Variants in CALN1 observed in about 807,000 individuals in gnomAD.
The protein encoded by CALN1 is calneuron 1, also known as calcium-binding protein 8.
In CALN1, 17 loss-of-function variants were observed where a neutral mutation model predicts 30.6. The observed-to-expected ratio is 0.56, with a 90% CI of 0.38 to 0.83. The LOEUF is 0.83. Among genes scored for constraint, CALN1 ranks in the 40% least tolerant of loss-of-function variants. The probability of loss-of-function intolerance (pLI) is 0.00; values close to 1 mark genes in which losing one functional copy is unlikely to be tolerated. For synonymous variants in CALN1, 156 were observed against 131.4 expected (o/e 1.19, Z -1.28); for missense variants, 291 against 354.9 (o/e 0.82, Z 1.45).
At chr7:72,101,296 T>C (rs1483280973) in intron 4 of CALN1, among the ~76,000 whole-genome samples, 2 of 152,192 alleles carry the variant, frequency 1.3e-5, no homozygotes, top group Non-Finnish European at 2.9e-5. Context: ...AAAGCCTTCT[T>C]AGTTCCAGAA....
intron 5 of CALN1, among the ~76,000 whole-genome samples, chr7:71,860,921 C>A (rs1452124154): frequency 6.6e-6 from 1 of 152,092 alleles, no homozygotes; most frequent in Non-Finnish European, 1.5e-5. Context: ...GATGATCCCA[C>A]GGAGAACTCT....
At chr7:71,994,261 C>T (rs1266166023) in intron 5 of CALN1, among the ~76,000 whole-genome samples, 1 of 152,076 alleles carries the variant, frequency 6.6e-6, no homozygotes, top group African/African-American at 2.4e-5. Context: ...CCTATAATCC[C>T]AGCACTTTGG....
chr7:72,322,924 T>A (rs1266013616), intron 2 of CALN1, among the ~76,000 whole-genome samples: 1 of 150,278 alleles, frequency 6.7e-6, no homozygotes, highest in East Asian at 2.0e-4. Context: ...ACCCTATAAA[T>A]ATGTACCCAC....
At chr7:72,499,842 T>TTTCC in the CALN1 span, among the ~76,000 whole-genome samples, 2 of 35,412 alleles carry the variant, frequency 5.6e-5, no homozygotes, top group Non-Finnish European at 1.0e-4. Flanking sequence ...TCTTTCTTTC[T>TTTCC]TTCTTTCTTT....
intron 5 of CALN1, among the ~76,000 whole-genome samples, chr7:71,998,498 G>C (rs1366342986): frequency 1.3e-5 from 2 of 152,056 alleles, no homozygotes; most frequent in Admixed American, 6.6e-5. Flanking sequence ...TGTTCCACTT[G>C]AAGAGGCAAA....
rs1312104119 is a variant in CALN1, at chr7:71,782,019, A to T, written c.*5756T>A. Reference sequence around the variant, plus strand: ...GAAGAGTCCCAAATGAATATGAAGGAGAAACCACAGCTGTCAAAATGACCA... The same window carrying T: ...GAAGAGTCCCAAATGAATATGAAGGTGAAACCACAGCTGTCAAAATGACCA... On this transcript the variant is annotated 3_prime_UTR_variant, in exon 7 of 7. Transcript: ENST00000395275. The T allele has an allele frequency of 1.3e-5, 2 of 152,370 alleles. No homozygotes were observed. The highest frequency in any genetic ancestry group is 1.3e-4 in the Admixed American group (2 of 15,298). The allele number at this position is 152,370 out of a possible 1,614,324, so 9.4% of individuals were successfully genotyped here.
At chr7:72,054,402 CATAT>C (rs58996469) in intron 4 of CALN1, among the ~76,000 whole-genome samples, 41,232 of 100,000 alleles carry the variant, frequency 0.41, 8,067 homozygotes, top group African/African-American at 0.5. Context: ...CATATATGTA[CATAT>C]ATATATATAT....
intron 3 of CALN1, among the ~76,000 whole-genome samples, chr7:72,161,150 AAACT>A (rs113295150): frequency 4.8e-4 from 73 of 152,326 alleles, no homozygotes; most frequent in African/African-American, 7.5e-4. Context: ...GGAGAAACGT[AAACT>A]AACTAACTCA....
At chr7:72,159,457 G>A (rs758915374) in intron 3 of CALN1, among the ~76,000 whole-genome samples, 15 of 151,952 alleles carry the variant, frequency 9.9e-5, no homozygotes, top group Non-Finnish European at 2.2e-4. Flanking sequence ...CTATGACCAC[G>A]CCACTGTACT....
At chr7:72,259,859 C>T (rs1358644628) in intron 3 of CALN1, among the ~76,000 whole-genome samples, 1 of 152,180 alleles carries the variant, frequency 6.6e-6, no homozygotes, top group African/African-American at 2.4e-5. Flanking sequence ...AGCCTCAAGG[C>T]CCACTTCTCT....
intron 5 of CALN1, among the ~76,000 whole-genome samples, chr7:71,974,733 C>G (rs965862224): frequency 6.6e-6 from 1 of 152,174 alleles, no homozygotes; most frequent in African/African-American, 2.4e-5. Context: ...CAGCCACAGA[C>G]GTTCTTTTCC....
intron 5 of CALN1, among the ~76,000 whole-genome samples, chr7:71,858,243 G>A (rs942933853): frequency 5.9e-5 from 9 of 152,126 alleles, no homozygotes; most frequent in African/African-American, 9.7e-5. Flanking sequence ...CTGCTGTCAC[G>A]TGAAGAAGGA....
chr7:72,497,316 T>C, the CALN1 span, among the ~76,000 whole-genome samples: 1 of 152,184 alleles, frequency 6.6e-6, no homozygotes, highest in Admixed American at 6.5e-5. Context: ...GGCACGCATC[T>C]GTAATCCCAG....
chr7:72,181,871 T>A (rs905286089), intron 3 of CALN1, among the ~76,000 whole-genome samples: 5 of 152,154 alleles, frequency 3.3e-5, no homozygotes, highest in African/African-American at 1.2e-4. Context: ...ATCCAACATA[T>A]CTCTATCACG....
intron 2 of CALN1, among the ~76,000 whole-genome samples, chr7:72,361,640 G>A (rs1421996809): frequency 2.0e-5 from 3 of 152,090 alleles, no homozygotes; most frequent in African/African-American, 4.8e-5. Flanking sequence ...TCACTTGATC[G>A]CATCACTTAC....
intron 4 of CALN1, among the ~76,000 whole-genome samples, chr7:72,057,112 T>TA (rs11323098): frequency 2.4e-5 from 3 of 127,144 alleles, no homozygotes; most frequent in Middle Eastern, 4.2e-3. Flanking sequence ...ACCTGTTTTT[T>TA]AAAAAAAAAA....
At chr7:72,330,121 C>T (rs986163861) in intron 2 of CALN1, among the ~76,000 whole-genome samples, 4 of 151,760 alleles carry the variant, frequency 2.6e-5, no homozygotes, top group Non-Finnish European at 4.4e-5. Context: ...GGTGAAACCC[C>T]GTCTCTACTA....
Position 71,784,269 on chromosome 7 carries a change from C to G in CALN1, c.*3506G>C, listed in dbSNP as rs1453830215. On this transcript the variant is annotated 3_prime_UTR_variant, in exon 7 of 7. Transcript: ENST00000395275. ...CCAGACAAAAAGGCAGAGATACCAC[C>G]CAGATTCTTTAAGGGTAATTGCCTC... 3.3e-5 allele frequency: 5 copies of G among 152,036 alleles called. No individual in the cohort carries two copies. The East Asian group carries it at 9.7e-4, about 29-fold the overall frequency. The allele number at this position is 152,036 out of a possible 1,614,324, so 9.4% of individuals were successfully genotyped here.
intron 5 of CALN1, among the ~76,000 whole-genome samples, chr7:72,010,900 A>AT (rs1396718663): frequency 6.6e-6 from 1 of 152,022 alleles, no homozygotes; most frequent in East Asian, 1.9e-4. Context: ...AATGCCTGTA[A>AT]TCCCAGCACT....
Sources: gnomAD v4.1 joint callset for allele counts (sites outside exome capture counted in the v4.1 genomes callset) on GRCh38, gnomAD v4.1.1 for gene constraint, MANE v1.5 for transcripts, NCBI Gene and HGNC (gene_info 2026-07-23, HGNC 2026-07-21) for gene names.